WRAP53: variants seen among roughly 807,000 people sequenced by gnomAD.
The protein encoded by WRAP53 is telomerase Cajal body protein 1.
Under a neutral mutation model 56.6 loss-of-function variants are expected in WRAP53, and 28 were observed. That is an observed-to-expected ratio of 0.50 (90% confidence interval 0.37 to 0.68). The LOEUF (loss-of-function observed/expected upper bound fraction) is 0.68, where lower values mean the gene tolerates loss of function less well. Ranked by LOEUF, WRAP53 falls within the 30% of genes least tolerant of loss-of-function variation. The probability of loss-of-function intolerance (pLI) is 0.00; values close to 1 mark genes in which losing one functional copy is unlikely to be tolerated. For missense variants in WRAP53, 671 were observed against 715.5 expected (o/e 0.94, Z 0.71); for synonymous variants, 283 against 283.4 (o/e 1.00, Z 0.01).
intron 4 of WRAP53, among the ~76,000 whole-genome samples, chr17:7,698,716 A>G (rs1264413428): frequency 6.6e-6 from 1 of 152,028 alleles, no homozygotes; most frequent in Non-Finnish European, 1.5e-5. Flanking sequence ...CTCTACTAAA[A>G]ATACAAAAAA....
chr17:7,695,240 C>G (rs2074166964), intron 4 of WRAP53, among the ~76,000 whole-genome samples: 1 of 152,306 alleles, frequency 6.6e-6, no homozygotes, highest in Middle Eastern at 3.4e-3. Flanking sequence ...CAGGCGTGAG[C>G]CACTGCACCC....
intron 4 of WRAP53, among the ~76,000 whole-genome samples, chr17:7,693,447 G>A (rs1223721868): frequency 6.6e-6 from 1 of 152,142 alleles, no homozygotes; most frequent in Non-Finnish European, 1.5e-5. Flanking sequence ...GGCCGGGTGC[G>A]GTGGCTCACG....
rs955034687 is a variant in WRAP53 at position 7,701,653 on chromosome 17, C to G, written c.823-4C>G. 6.2e-7 allele frequency: 1 copy of G among 1,614,254 alleles called. No homozygotes were observed. Among genetic ancestry groups the G allele is most frequent in the Non-Finnish European group, 8.5e-7 (1 of 1,180,056 alleles). ...ACCTGTTTTCAGCCCTTTCCTTCCC[C>G]CAGGATGAGCTGACGGCAGCCCATT... On this transcript the variant is annotated splice_polypyrimidine_tract_variant and splice_region_variant and intron_variant, in intron 6 of 10. Coordinates refer to ENST00000396463, the MANE Select transcript of WRAP53 (RefSeq NM_001143992.2). The surrounding 1 kb of genome is among the most constrained non-coding windows in gnomAD (Gnocchi z 4.2).
In WRAP53 at chr17:7,703,305, C is replaced by T. The variant is rs750216846; in HGVS notation, c.1466C>T (p.Thr489Ile). The stretch of plus-strand genomic sequence containing the variant: ...GGTCAGCGTGTGTTTCCTGAGCCCA[C>T]AGAGAGTGGGGACGAAGGAGAGGAG... ...ASGQRVFPEP[T>I]ESGDEGEELG... The change falls in exon 11 of 11, where the codon ACA (threonine) becomes ATA (isoleucine). Residue 489 changes from threonine (T) to isoleucine (I), a missense_variant. By Grantham distance (89) the Thr-to-Ile change is moderately conservative. Transcript: ENST00000396463. The T allele has an allele frequency of 6.2e-7, 1 of 1,613,818 alleles. No individual in the cohort carries two copies. Among genetic ancestry groups the T allele is most frequent in the Non-Finnish European group, 8.5e-7 (1 of 1,180,020 alleles).
chr17:7,701,782 C>A lies in WRAP53; in HGVS notation c.948C>A (p.Ala316=). ...CTGGCCGAGACTGCGAGGTCCGAGC[C>A]ACATTTGGTAAGCATCTGTGCCTCC... The part of the protein sequence containing the change: ...ARPGRDCEVR[A]TFAKKQGQSG... The change falls in exon 7 of 11, where the codon GCC becomes GCA. Residue 316 remains alanine, a synonymous_variant. Coordinates refer to ENST00000396463, the MANE Select transcript of WRAP53 (RefSeq NM_001143992.2). This position sits in a 1 kb window ranked among gnomAD's most constrained non-coding sequence, Gnocchi z 4.2. 1.2e-6 allele frequency: 2 copies of A among 1,613,948 alleles called. No individual in the cohort carries two copies. The highest frequency in any genetic ancestry group is 1.7e-6 in the Non-Finnish European group (2 of 1,179,938).
intron 4 of WRAP53, among the ~76,000 whole-genome samples, chr17:7,699,511 T>TAA (rs2074243330): frequency 1.1e-4 from 3 of 26,216 alleles, no homozygotes; most frequent in Non-Finnish European, 1.8e-4. Context: ...TTTATATATA[T>TAA]ATATATATAT....
Position 7,702,236 on chromosome 17 carries a change from T to G in WRAP53, c.956-108T>G. 8.6e-7 allele frequency: 1 copy of G among 1,157,882 alleles called. No homozygotes were observed. Among genetic ancestry groups the G allele is most frequent in the Non-Finnish European group, 1.3e-6 (1 of 776,552 alleles). 71.7% of individuals were successfully genotyped at this position (1,157,882 alleles called of 1,614,324 possible). Reference sequence around the variant, plus strand: ...CTTGTGACAGACAGCATGGGGGGGATGTTGAGTCCAAGCATGTTGGTGCTG... The same window carrying G: ...CTTGTGACAGACAGCATGGGGGGGAGGTTGAGTCCAAGCATGTTGGTGCTG... On this transcript the variant is annotated intron_variant, in intron 7 of 10. Coordinates refer to ENST00000396463, the MANE Select transcript of WRAP53 (RefSeq NM_001143992.2). The surrounding 1 kb of genome is among the most constrained non-coding windows in gnomAD (Gnocchi z 5.0).
upstream of WRAP53, chr17:7,687,737 A>C: frequency 2.5e-6 from 1 of 397,668 alleles, no homozygotes; most frequent in East Asian, 3.6e-5. Context: ...CAGAGCTGTG[A>C]GGGCAGAATT....
chr17:7,687,828 G>A (rs1310584581), upstream of WRAP53: 1 of 389,746 alleles, frequency 2.6e-6, no homozygotes, highest in Non-Finnish European at 4.5e-6. Flanking sequence ...TTTGCTCTCA[G>A]CTGGATCCTT....
In WRAP53 at chr17:7,702,761, T is replaced by C; in HGVS notation, c.1183T>C (p.Trp395Arg). The change falls in exon 9 of 11, where the codon TGG becomes CGG. Residue 395 changes from tryptophan (W) to arginine (R), a missense_variant. Physicochemically the swap from Trp to Arg is moderately radical, Grantham distance 101. Around this residue, in one of 3 missense-constraint regions of WRAP53, gnomAD observed 158 missense variants for 215.7 expected, o/e 0.73. Coordinates refer to ENST00000396463, the MANE Select transcript of WRAP53 (RefSeq NM_001143992.2). The surrounding 1 kb of genome is among the most constrained non-coding windows in gnomAD (Gnocchi z 5.0). ...TCTCCAGGATGCTGAGCTCCTGTGC[T>C]GGGATCTCCGGCAGTCTGGTTACCC... The part of the protein sequence containing the change: ...GARKDAELLC[W>R]DLRQSGYPLW... 2 of 1,613,850 alleles carry C rather than the reference T, an allele frequency of 1.2e-6. No homozygotes were observed. The highest frequency in any genetic ancestry group is 1.7e-6 in the Non-Finnish European group (2 of 1,180,000).
At chr17:7,699,490 AT>A (rs2074238279) in intron 4 of WRAP53, among the ~76,000 whole-genome samples, 1 of 13,090 alleles carries the variant, frequency 7.6e-5, no homozygotes, top group African/African-American at 3.9e-4. Context: ...ATATATATAT[AT>A]ATATATATAT....
In WRAP53 at chr17:7,703,304, A is replaced by C. The variant is rs765076522; in HGVS notation, c.1465A>C (p.Thr489Pro). 6.2e-7 allele frequency: 1 copy of C among 1,613,812 alleles called. No homozygotes were observed. Among genetic ancestry groups the C allele is most frequent in the Non-Finnish European group, 8.5e-7 (1 of 1,179,996 alleles). The change falls in exon 11 of 11, where the codon ACA (threonine) becomes CCA (proline). Residue 489 changes from threonine (T) to proline (P), a missense_variant. By Grantham distance (38) the Thr-to-Pro change is conservative. This residue lies in a region of WRAP53 where 107 missense variants were observed against 81.3 expected (regional missense o/e 1.32). Transcript: ENST00000396463. The stretch of plus-strand genomic sequence containing the variant: ...CGGTCAGCGTGTGTTTCCTGAGCCC[A>C]CAGAGAGTGGGGACGAAGGAGAGGA... Reference protein sequence around the residue: ...ASGQRVFPEPTESGDEGEELG... With the variant: ...ASGQRVFPEPPESGDEGEELG...
At chr17:7,686,634 T>G (rs1243660721), upstream of WRAP53, 2 of 152,272 alleles carry the variant, frequency 1.3e-5, no homozygotes, top group Non-Finnish European at 2.9e-5. Flanking sequence ...GGGTGAATAG[T>G]GAGCTGCTCC....
At chr17:7,700,616 C>A in intron 4 of WRAP53, 125 bp from the exon 5 acceptor site, 1 of 764,560 alleles carries the variant, frequency 1.3e-6, no homozygotes, top group Non-Finnish European at 2.4e-6. Flanking sequence ...TGAGCTCACC[C>A]TTGAACATTG....
chr17:7,701,357 G>A lies in WRAP53; in HGVS notation c.732-102G>A, dbSNP rs1463418802. 4.8e-5 allele frequency: 61 copies of A among 1,278,330 alleles called. No individual in the cohort carries two copies. Among genetic ancestry groups the A allele is most frequent in the Non-Finnish European group, 6.8e-5 (60 of 876,082 alleles). 79.2% of individuals were successfully genotyped at this position (1,278,330 alleles called of 1,614,324 possible). On this transcript the variant is annotated intron_variant, in intron 5 of 10. Coordinates refer to ENST00000396463, the MANE Select transcript of WRAP53 (RefSeq NM_001143992.2). The surrounding 1 kb of genome is among the most constrained non-coding windows in gnomAD (Gnocchi z 4.2). ...TGACCTCAAGTGATCCACCTGCCTT[G>A]GCCTCCCAAAGTGCTGGGATTACAG...
intron 4 of WRAP53, among the ~76,000 whole-genome samples, chr17:7,696,412 C>T (rs1370753560): frequency 1.3e-5 from 2 of 149,560 alleles, no homozygotes; most frequent in Non-Finnish European, 1.5e-5. Context: ...CATTCTCCTG[C>T]CTCAGCCTCC....
chr17:7,686,429 C>A (rs544282297), upstream of WRAP53: 1 of 152,326 alleles, frequency 6.6e-6, no homozygotes, highest in South Asian at 2.1e-4. Context: ...TTGCAGGCGA[C>A]CCGCGGGGTG....
At position 7,702,954 on chromosome 17, in the gene WRAP53, G is replaced by A; in HGVS notation, c.1269-39G>A. The A allele has an allele frequency of 1.9e-6, 3 of 1,613,168 alleles. No homozygotes were observed. The East Asian group carries it at 6.7e-5, about 36-fold the overall frequency. On this transcript the variant is annotated intron_variant, in intron 9 of 10. Coordinates refer to ENST00000396463, the MANE Select transcript of WRAP53 (RefSeq NM_001143992.2). This position sits in a 1 kb window ranked among gnomAD's most constrained non-coding sequence, Gnocchi z 5.0. Reference sequence around the variant, plus strand: ...GGTGTGAGGGGTTCCTGCCCCAGGGGTGAGGCCTCTGCCAGCAAATCTCTC... The same window carrying A: ...GGTGTGAGGGGTTCCTGCCCCAGGGATGAGGCCTCTGCCAGCAAATCTCTC...
chr17:7,703,372 A>G lies in WRAP53; in HGVS notation c.1533A>G (p.Glu511=), dbSNP rs1427363302. ...PLLSTRHVHL[E]CRLQLWWCGG... ...TCTCCACGCGCCACGTCCACCTTGA[A>G]TGTCGGCTTCAGCTCTGGTGGTGTG... Residue 511 remains glutamate (E), a synonymous_variant, in exon 11 of 11, where the codon GAA becomes GAG. Transcript: ENST00000396463. 1.9e-6 allele frequency: 3 copies of G among 1,613,706 alleles called. No individual in the cohort carries two copies. The highest frequency in any genetic ancestry group is 2.5e-6 in the Non-Finnish European group (3 of 1,179,978).
Sources: gnomAD v4.1 joint callset for allele counts (sites outside exome capture counted in the v4.1 genomes callset) on GRCh38, gnomAD v4.1.1 for gene constraint, gnomAD v4.1.1 regional missense constraint, Gnocchi (gnomAD v3.1) non-coding constraint, MANE v1.5 for transcripts, NCBI Gene and HGNC (gene_info 2026-07-23, HGNC 2026-07-21) for gene names.